LOC122526780: variants seen among roughly 807,000 people sequenced by gnomAD.
the LOC122526780 span, chr17:6,638,771 C>T: frequency 6.5e-6 from 1 of 153,174 alleles, no homozygotes; most frequent in African/African-American, 2.4e-5. Context: ...CCAGGTACCA[C>T]CACAGCCTGG....
At chr17:6,639,583 G>T in the LOC122526780 span, 3 of 152,884 alleles carry the variant, frequency 2.0e-5, no homozygotes, top group Non-Finnish European at 4.4e-5. This position sits in a 1 kb window ranked among gnomAD's most constrained non-coding sequence, Gnocchi z 4.3. Context: ...TCTCTCGTAA[G>T]CTGCCCCTAA....
chr17:6,638,868 A>G, the LOC122526780 span: 3 of 153,180 alleles, frequency 2.0e-5, no homozygotes, highest in Non-Finnish European at 1.4e-5. Context: ...GTACCCCTGT[A>G]GCCTGTTGTA....
At chr17:6,639,741 G>C in the LOC122526780 span, 1 of 152,756 alleles carries the variant, frequency 6.5e-6, no homozygotes, top group East Asian at 1.9e-4. This position sits in a 1 kb window ranked among gnomAD's most constrained non-coding sequence, Gnocchi z 4.3. Flanking sequence ...CTGCAGGCAC[G>C]GGATGGAGCT....
chr17:6,638,987 T>G, the LOC122526780 span: 1 of 152,824 alleles, frequency 6.5e-6, no homozygotes, highest in African/African-American at 2.4e-5. Flanking sequence ...CCAGAGCCTG[T>G]CTCCACCCAC....
chr17:6,639,147 C>T, the LOC122526780 span: 1 of 153,124 alleles, frequency 6.5e-6, no homozygotes, highest in South Asian at 2.0e-4. This position sits in a 1 kb window ranked among gnomAD's most constrained non-coding sequence, Gnocchi z 4.3. Flanking sequence ...TCCTGTAACA[C>T]ACACCTGCGG....
At chr17:6,638,861 C>G in the LOC122526780 span, 1 of 152,924 alleles carries the variant, frequency 6.5e-6, no homozygotes, top group South Asian at 2.0e-4. Flanking sequence ...GCCCTGGGTA[C>G]CCCTGTAGCC....
chr17:6,638,685 TG>T, the LOC122526780 span: 1 of 153,054 alleles, frequency 6.5e-6, no homozygotes, highest in Non-Finnish European at 1.5e-5. Flanking sequence ...CTGCCTCGGC[TG>T]GGGGCCCCCC....
chr17:6,638,602 TC>T, the LOC122526780 span: 1 of 153,826 alleles, frequency 6.5e-6, no homozygotes, highest in Non-Finnish European at 1.4e-5. Context: ...ACTCTCTGGC[TC>T]CCCCACAGCC....
At chr17:6,639,921 C>A in the LOC122526780 span, 1 of 153,656 alleles carries the variant, frequency 6.5e-6, no homozygotes, top group Non-Finnish European at 1.5e-5. The surrounding 1 kb of genome is among the most constrained non-coding windows in gnomAD (Gnocchi z 4.3). Context: ...CCCACACAGC[C>A]CCGGCAAGCC....
At chr17:6,639,110 CAG>C in the LOC122526780 span, 1 of 152,620 alleles carries the variant, frequency 6.6e-6, no homozygotes, top group Non-Finnish European at 1.5e-5. The surrounding 1 kb of genome is among the most constrained non-coding windows in gnomAD (Gnocchi z 4.3). Context: ...GGCATACCCA[CAG>C]AGTCTGTCTC....
the LOC122526780 span, chr17:6,639,136 C>T: frequency 6.5e-6 from 1 of 152,912 alleles, no homozygotes; most frequent in Non-Finnish European, 1.5e-5. The surrounding 1 kb of genome is among the most constrained non-coding windows in gnomAD (Gnocchi z 4.3). Flanking sequence ...CACAGCCTGT[C>T]TCCTGTAACA....
chr17:6,636,876 C>T, the LOC122526780 span: 1 of 152,292 alleles, frequency 6.6e-6, no homozygotes, highest in African/African-American at 2.4e-5. Context: ...CAGCCAGCCT[C>T]CTCCCACTTG....
chr17:6,639,391 G>A, the LOC122526780 span: 1 of 152,350 alleles, frequency 6.6e-6, no homozygotes, highest in Non-Finnish European at 1.5e-5. This position sits in a 1 kb window ranked among gnomAD's most constrained non-coding sequence, Gnocchi z 4.3. Flanking sequence ...CTCGCCCATA[G>A]TCTGTTCTTT....
the LOC122526780 span, chr17:6,640,114 A>G: frequency 6.6e-6 from 1 of 152,414 alleles, no homozygotes; most frequent in African/African-American, 2.4e-5. Context: ...TTCTGCACTC[A>G]CACAGCGCGT....
chr17:6,640,091 G>C, the LOC122526780 span: 1 of 152,676 alleles, frequency 6.5e-6, no homozygotes, highest in Non-Finnish European at 1.5e-5. Context: ...GGCCGCTGAC[G>C]GCCCTGTGGC....
At chr17:6,638,869 G>A in the LOC122526780 span, 2 of 153,256 alleles carry the variant, frequency 1.3e-5, no homozygotes, top group African/African-American at 4.8e-5. Flanking sequence ...TACCCCTGTA[G>A]CCTGTTGTAT....
chr17:6,637,459 G>A, the LOC122526780 span: 6 of 152,414 alleles, frequency 3.9e-5, no homozygotes. Context: ...CCCTACCATT[G>A]GCCCTGGAAG....
chr17:6,639,372 G>C, the LOC122526780 span: 2 of 152,614 alleles, frequency 1.3e-5, no homozygotes, highest in East Asian at 3.9e-4. The surrounding 1 kb of genome is among the most constrained non-coding windows in gnomAD (Gnocchi z 4.3). Context: ...TCCACCCCAC[G>C]GTCCCAGGCT....
chr17:6,638,403 G>A, the LOC122526780 span: 1 of 153,302 alleles, frequency 6.5e-6, no homozygotes, highest in East Asian at 1.9e-4. Flanking sequence ...CCTTTCCAGA[G>A]CCGGGCACAC....
Sources: gnomAD v4.1 joint callset for allele counts on GRCh38, gnomAD v4.1.1 for gene constraint, Gnocchi (gnomAD v3.1) non-coding constraint, MANE v1.5 for transcripts.